CAMK1D: variants seen among roughly 807,000 people sequenced by gnomAD.
The protein encoded by CAMK1D is calcium/calmodulin dependent protein kinase ID.
In CAMK1D, 9 loss-of-function variants were observed where a neutral mutation model predicts 47.7. That is an observed-to-expected ratio of 0.19 (90% confidence interval 0.11 to 0.33). The LOEUF (loss-of-function observed/expected upper bound fraction) is 0.33, where lower values mean the gene tolerates loss of function less well. Ranked by LOEUF, CAMK1D falls within the 10% of genes least tolerant of loss-of-function variation. CAMK1D has a pLI of 1.00. For synonymous variants in CAMK1D, 184 were observed against 184.9 expected (o/e 0.99, Z 0.04); for missense variants, 291 against 488.7 (o/e 0.60, Z 3.81).
At chr10:12,569,055 T>C (rs112323051) in intron 2 of CAMK1D, among the ~76,000 whole-genome samples, 9 of 152,300 alleles carry the variant, frequency 5.9e-5, no homozygotes, top group African/African-American at 1.7e-4. Context: ...AAATACTGAC[T>C]CAAGAAATCT....
At chr10:12,643,621 C>T (rs911538183) in intron 2 of CAMK1D, among the ~76,000 whole-genome samples, 1 of 152,032 alleles carries the variant, frequency 6.6e-6, no homozygotes, top group East Asian at 1.9e-4. Context: ...CGGTGGCTCA[C>T]GTATGTAATC....
intron 2 of CAMK1D, among the ~76,000 whole-genome samples, chr10:12,570,041 A>C (rs1043613867): frequency 2.6e-5 from 4 of 152,002 alleles, no homozygotes; most frequent in African/African-American, 9.7e-5. Context: ...CTCAACTAAA[A>C]ATACAAAAAG....
intron 3 of CAMK1D, among the ~76,000 whole-genome samples, chr10:12,669,360 G>A (rs767574124): frequency 2.0e-5 from 3 of 152,030 alleles, no homozygotes; most frequent in East Asian, 1.9e-4. Flanking sequence ...GAGATTTGTC[G>A]AGCAAATTAA....
chr10:12,797,746 G>C (rs1241192789), intron 6 of CAMK1D, among the ~76,000 whole-genome samples: 1 of 152,208 alleles, frequency 6.6e-6, no homozygotes, highest in Non-Finnish European at 1.5e-5. Flanking sequence ...GTCCATCCTG[G>C]GGATGCTAAA....
chr10:12,657,328 G>A (rs1257921508), intron 2 of CAMK1D, among the ~76,000 whole-genome samples: 1 of 152,104 alleles, frequency 6.6e-6, no homozygotes, highest in Non-Finnish European at 1.5e-5. Context: ...GGGAGGCTGA[G>A]GCAGGAGAAT....
intron 1 of CAMK1D, among the ~76,000 whole-genome samples, chr10:12,425,599 A>G (rs146375368): frequency 6.6e-6 from 1 of 152,212 alleles, no homozygotes; most frequent in Non-Finnish European, 1.5e-5. Context: ...CCCTTTGCCT[A>G]CGCCCTCCAG....
intron 1 of CAMK1D, among the ~76,000 whole-genome samples, chr10:12,448,763 A>T (rs1832994544): frequency 6.6e-6 from 1 of 152,230 alleles, no homozygotes; most frequent in Non-Finnish European, 1.5e-5. Flanking sequence ...GAATGAGAAG[A>T]AATTATCCCC....
chr10:12,630,999 A>G (rs1839364488), intron 2 of CAMK1D, among the ~76,000 whole-genome samples: 1 of 152,148 alleles, frequency 6.6e-6, no homozygotes, highest in Non-Finnish European at 1.5e-5. Flanking sequence ...AGAAGGTAGG[A>G]GAAGCTGTCT....
At chr10:12,376,638 A>G (rs1008592640) in intron 1 of CAMK1D, among the ~76,000 whole-genome samples, 17 of 152,118 alleles carry the variant, frequency 1.1e-4, no homozygotes, top group Admixed American at 3.9e-4. Context: ...GGAACTGGAA[A>G]TCATATTAGG....
At chr10:12,811,628 A>G (rs1156947031) in intron 6 of CAMK1D, among the ~76,000 whole-genome samples, 1 of 152,270 alleles carries the variant, frequency 6.6e-6, no homozygotes, top group Non-Finnish European at 1.5e-5. Flanking sequence ...TGGAATATAC[A>G]TTTAAAAAAC....
intron 1 of CAMK1D, among the ~76,000 whole-genome samples, chr10:12,385,892 G>A (rs1242366327): frequency 3.3e-5 from 5 of 152,054 alleles, no homozygotes; most frequent in African/African-American, 9.7e-5. Context: ...GATCACAGGC[G>A]TGCGCCACCG....
At chr10:12,450,503 T>A (rs1441528822) in intron 1 of CAMK1D, among the ~76,000 whole-genome samples, 4 of 152,208 alleles carry the variant, frequency 2.6e-5, no homozygotes, top group Non-Finnish European at 5.9e-5. Context: ...GAAATGGAAA[T>A]CTGGAAGTTA....
intron 1 of CAMK1D, among the ~76,000 whole-genome samples, chr10:12,492,880 T>C (rs1834428204): frequency 6.6e-6 from 1 of 152,160 alleles, no homozygotes; most frequent in Non-Finnish European, 1.5e-5. Flanking sequence ...CTGTCGTTAC[T>C]TTCTTGGTAT....
chr10:12,586,707 T>C (rs1031652696), intron 2 of CAMK1D, among the ~76,000 whole-genome samples: 5 of 151,996 alleles, frequency 3.3e-5, no homozygotes, highest in African/African-American at 1.2e-4. Context: ...TGCTCACCTC[T>C]TGTCTGTTGT....
intron 1 of CAMK1D, among the ~76,000 whole-genome samples, chr10:12,439,242 G>A (rs1832716308): frequency 6.6e-6 from 1 of 152,116 alleles, no homozygotes; most frequent in African/African-American, 2.4e-5. Context: ...TGCTTTCTGT[G>A]GCTGAAAAGG....
chr10:12,811,265 T>C (rs1832594929), intron 6 of CAMK1D, among the ~76,000 whole-genome samples: 1 of 152,240 alleles, frequency 6.6e-6, no homozygotes, highest in Admixed American at 6.5e-5. Context: ...TTAACAACCC[T>C]GGGATTACCA....
intron 5 of CAMK1D, among the ~76,000 whole-genome samples, chr10:12,781,415 C>T (rs1372748173): frequency 1.3e-5 from 2 of 152,192 alleles, no homozygotes; most frequent in East Asian, 1.9e-4. Context: ...CTCCATCCCG[C>T]GGAGTTCCAA....
At chr10:12,540,714 A>G (rs11257877) in intron 1 of CAMK1D, among the ~76,000 whole-genome samples, 43,016 of 152,180 alleles carry the variant, frequency 0.28, 6,384 homozygotes, top group East Asian at 0.37. Flanking sequence ...ATGTCTCATC[A>G]TGGTTCTTGA....
At chr10:12,560,559 AAAAAAAAAAAAAAGAAGAAG>A (rs1354372219) in intron 2 of CAMK1D, among the ~76,000 whole-genome samples, 9 of 151,342 alleles carry the variant, frequency 5.9e-5, no homozygotes, top group African/African-American at 2.2e-4. Context: ...ATCTCGGAAA[AAAAAAAAAAAAAAGAAGAAG>A]AAGAAAGAAA....
Sources: allele counts gnomAD v4.1 joint callset (sites outside exome capture counted in the v4.1 genomes callset), GRCh38; gene constraint gnomAD v4.1.1; transcripts MANE v1.5; gene names NCBI Gene and HGNC (gene_info 2026-07-23, HGNC 2026-07-21).